The following EEF2K variants were observed in gnomAD, a reference collection of about 807,000 sequenced individuals.
EEF2K encodes the protein alternative protein EEF2K.
EEF2K carries 70 observed loss-of-function variants against 93.8 expected under a neutral mutation model. The ratio of observed to expected loss-of-function variants is 0.75; its 90% confidence interval spans 0.62 to 0.91. EEF2K has a LOEUF of 0.91. Ranked by LOEUF, EEF2K falls within the 40% of genes least tolerant of loss-of-function variation. The pLI is 0.00. For missense variants in EEF2K, 935 were observed against 972.9 expected, an observed-to-expected ratio of 0.96 and a Z score of 0.52; for synonymous variants, 376 against 380.8, an observed-to-expected ratio of 0.99 and a Z score of 0.15.
chr16:22,260,660 G>A, intron 11 of EEF2K, 131 bp downstream of exon 11: 1 of 1,056,250 alleles, frequency 9.5e-7, no homozygotes, highest in Non-Finnish European at 1.4e-6. Context: ...GGCACAGAAT[G>A]GGGGAATTAG....
At chr16:22,270,889 GTCTC>G (rs770942894) in intron 15 of EEF2K, among the ~76,000 whole-genome samples, 65 of 150,154 alleles carry the variant, frequency 4.3e-4, no homozygotes, top group Non-Finnish European at 6.7e-4. Flanking sequence ...TCACTTTTTT[GTCTC>G]TCTCTATAAT....
intron 4 of EEF2K, among the ~76,000 whole-genome samples, chr16:22,250,198 G>T (rs541735983): frequency 2.6e-5 from 4 of 152,236 alleles, no homozygotes; most frequent in Non-Finnish European, 4.4e-5. Context: ...GACATAAGCC[G>T]CTGCTCCTGG....
chr16:22,243,414 G>A (rs2047245641), intron 2 of EEF2K, among the ~76,000 whole-genome samples: 1 of 151,658 alleles, frequency 6.6e-6, no homozygotes, highest in Non-Finnish European at 1.5e-5. Context: ...ACCATGCCCA[G>A]CTAATTTTTG....
chr16:22,281,099 C>T (rs765799317), intron 17 of EEF2K, among the ~76,000 whole-genome samples: 2 of 151,238 alleles, frequency 1.3e-5, no homozygotes, highest in Non-Finnish European at 3.0e-5. Context: ...GCTAATTTTT[C>T]TGTTTTTAGT....
intron 1 of EEF2K, among the ~76,000 whole-genome samples, chr16:22,225,288 A>G (rs2047051583): frequency 6.6e-6 from 1 of 152,190 alleles, no homozygotes; most frequent in South Asian, 2.1e-4. Flanking sequence ...TTGCAGCCTT[A>G]CCAAGGCATT....
intron 12 of EEF2K, 93 bp from the exon 13 acceptor site, chr16:22,264,725 G>A: frequency 6.8e-7 from 1 of 1,461,558 alleles, no homozygotes; most frequent in South Asian, 1.2e-5. Context: ...GGGCCAGGCT[G>A]GTTCCAGGGA....
At chr16:22,224,579 G>A (rs1393264221) in intron 1 of EEF2K, among the ~76,000 whole-genome samples, 1 of 151,822 alleles carries the variant, frequency 6.6e-6, no homozygotes, top group East Asian at 1.9e-4. Flanking sequence ...AGTGACCTAG[G>A]TGAGCTAGGA....
chr16:22,221,080 C>G (rs2047007022), intron 1 of EEF2K, among the ~76,000 whole-genome samples: 1 of 152,180 alleles, frequency 6.6e-6, no homozygotes, highest in African/African-American at 2.4e-5. Context: ...GAAACAAACT[C>G]AGTAGTTCAC....
At chr16:22,238,450 G>A (rs1286999078) in intron 2 of EEF2K, among the ~76,000 whole-genome samples, 1 of 151,768 alleles carries the variant, frequency 6.6e-6, no homozygotes, top group African/African-American at 2.4e-5. Context: ...GACCACCCTG[G>A]ACAACATAGA....
chr16:22,264,828 A>G lies in EEF2K; in HGVS notation c.1388A>G (p.Tyr463Cys). ...DPEPREHGHSYSNRKYESDED... is the reference protein window; with the variant it reads ...DPEPREHGHSCSNRKYESDED... ...TCTTCCTCCGTTCAGGGCCACTCAT[A>G]CAGTAATCGGAAGTACGAGTCTGAC... The change falls in exon 13 of 18, where the codon TAC becomes TGC. Residue 463 changes from tyrosine (Y) to cysteine (C), a missense_variant. By Grantham distance (194) the Tyr-to-Cys change is radical. Coordinates refer to ENST00000263026, the MANE Select transcript of EEF2K (RefSeq NM_013302.5). 1.2e-6 allele frequency: 2 copies of G among 1,613,998 alleles called. No homozygotes were observed. The highest frequency in any genetic ancestry group is 8.5e-7 in the Non-Finnish European group (1 of 1,179,938).
chr16:22,246,036 T>A (rs867357518), intron 3 of EEF2K, among the ~76,000 whole-genome samples: 2 of 152,132 alleles, frequency 1.3e-5, no homozygotes, highest in Non-Finnish European at 2.9e-5. Context: ...GGAGGCTCAG[T>A]CCTACAAGAC....
intron 6 of EEF2K, among the ~76,000 whole-genome samples, chr16:22,253,483 C>T (rs1269054069): frequency 1.3e-5 from 2 of 152,126 alleles, no homozygotes; most frequent in Non-Finnish European, 1.5e-5. Flanking sequence ...TGTTCCTGCC[C>T]CAAAACCTTG....
chr16:22,265,147 G>C (rs1371603269), intron 13 of EEF2K: 5 of 381,630 alleles, frequency 1.3e-5, no homozygotes, highest in African/African-American at 2.0e-5. Context: ...CCTGTCTTAA[G>C]TGCCTGCCAT....
At chr16:22,221,955 A>G (rs1598164606) in intron 1 of EEF2K, among the ~76,000 whole-genome samples, 1 of 152,132 alleles carries the variant, frequency 6.6e-6, no homozygotes, top group East Asian at 1.9e-4. Flanking sequence ...CTGTAATCCC[A>G]GCTACTCGGG....
intron 15 of EEF2K, among the ~76,000 whole-genome samples, chr16:22,270,259 CA>C (rs1292343253): frequency 6.6e-6 from 1 of 151,946 alleles, no homozygotes; most frequent in African/African-American, 2.4e-5. Context: ...GCTGGTTTTA[CA>C]GGCACCTGCC....
chr16:22,239,436 G>A (rs1294823914), intron 2 of EEF2K, among the ~76,000 whole-genome samples: 3 of 152,172 alleles, frequency 2.0e-5, no homozygotes, highest in Non-Finnish European at 4.4e-5. Flanking sequence ...CAACCCTGCA[G>A]GCTCTCCTGA....
At chr16:22,249,077 C>T (rs2047323707) in intron 4 of EEF2K, among the ~76,000 whole-genome samples, 1 of 151,094 alleles carries the variant, frequency 6.6e-6, no homozygotes, top group Admixed American at 6.6e-5. Flanking sequence ...TCAAGCCATC[C>T]TCTCACCTTA....
chr16:22,244,492 G>T, intron 2 of EEF2K, 138 bp from the exon 3 acceptor site: 1 of 732,696 alleles, frequency 1.4e-6, no homozygotes, highest in Non-Finnish European at 2.2e-6. Flanking sequence ...TTCCTGAAAG[G>T]CTACTAGACA....
intron 4 of EEF2K, among the ~76,000 whole-genome samples, chr16:22,249,464 G>A (rs145370503): frequency 3.1e-4 from 47 of 152,188 alleles, no homozygotes; most frequent in African/African-American, 6.7e-4. Flanking sequence ...ACATCGGCCC[G>A]TATCAACAAA....
Sources: allele counts gnomAD v4.1 joint callset (sites outside exome capture counted in the v4.1 genomes callset), GRCh38; gene constraint gnomAD v4.1.1; transcripts MANE v1.5; gene names NCBI Gene and HGNC (gene_info 2026-07-23, HGNC 2026-07-21).